Variants in DOK6 observed in about 807,000 individuals in gnomAD.
DOK6 encodes docking protein 6, also known as downstream of tyrosine kinase 6.
Under a neutral mutation model 44.0 loss-of-function variants are expected in DOK6, and 22 were observed. The observed-to-expected ratio is 0.50, with a 90% CI of 0.36 to 0.71. The LOEUF (loss-of-function observed/expected upper bound fraction) is 0.71, where lower values mean the gene tolerates loss of function less well. DOK6 is among the 30% of genes least tolerant of loss of function. The pLI is 0.00. For missense variants in DOK6, 340 were observed against 416.4 expected (o/e 0.82, Z 1.60); for synonymous variants, 166 against 145.5 (o/e 1.14, Z -1.01).
chr18:69,577,716 G>A (rs1160683492), intron 2 of DOK6, among the ~76,000 whole-genome samples: 3 of 152,108 alleles, frequency 2.0e-5, no homozygotes, highest in Non-Finnish European at 4.4e-5. Flanking sequence ...TGGAAAACTC[G>A]AAACCAGAGA....
rs143819043 is a variant in DOK6, at chr18:69,429,620, CATATATATATATATAT to C, written c.66+28339_66+28354del. Among the ~76,000 whole-genome samples, 647 of 105,936 alleles carry C rather than the reference CATATATATATATATAT, an allele frequency of 6.1e-3. 6 individuals are homozygous for C. The highest frequency in any genetic ancestry group is 9.7e-3 in the African/African-American group (295 of 30,370). 69.5% of individuals were successfully genotyped at this position (105,936 alleles called of 152,430 possible). A position where few individuals can be genotyped will look rare whatever the true frequency, so the allele number is the denominator to read the frequency against. On this transcript the variant is annotated intron_variant, in intron 1 of 7. Transcript: ENST00000382713. ...TCTATAAGGAAAATATTGAGGGATACATATATATATATATATATATATATATATATATATATATATA... is the reference window on the plus strand; with the variant it reads ...TCTATAAGGAAAATATTGAGGGATACATATATATATATATATATATATATA...
intron 7 of DOK6, 82 bp downstream of exon 7, chr18:69,757,955 G>A: frequency 8.3e-7 from 1 of 1,199,314 alleles, no homozygotes; most frequent in Non-Finnish European, 1.2e-6. Context: ...CTTTGTATTT[G>A]CATTGCTTGC....
At chr18:69,519,933 TA>T (rs1981639766) in intron 1 of DOK6, among the ~76,000 whole-genome samples, 1 of 151,906 alleles carries the variant, frequency 6.6e-6, no homozygotes. Context: ...TTTCCAATTT[TA>T]AAATGAAATG....
intron 3 of DOK6, among the ~76,000 whole-genome samples, chr18:69,610,036 A>G (rs1450001824): frequency 6.6e-6 from 1 of 152,246 alleles, no homozygotes; most frequent in Non-Finnish European, 1.5e-5. Context: ...CAATGGGCAT[A>G]AAGTTTCAGT....
intron 3 of DOK6, among the ~76,000 whole-genome samples, chr18:69,668,484 AC>A (rs1426081781): frequency 9.2e-5 from 14 of 152,014 alleles, no homozygotes; most frequent in Non-Finnish European, 2.1e-4. Flanking sequence ...TTTATATTTT[AC>A]ACCCTCAATG....
At chr18:69,743,252 C>G (rs536861254) in intron 6 of DOK6, among the ~76,000 whole-genome samples, 3 of 152,186 alleles carry the variant, frequency 2.0e-5, no homozygotes, top group Non-Finnish European at 4.4e-5. Context: ...TATTTGAACA[C>G]GATATGTTCA....
chr18:69,402,037 C>G (rs1568245564), intron 1 of DOK6, among the ~76,000 whole-genome samples: 2 of 152,120 alleles, frequency 1.3e-5, no homozygotes, highest in Non-Finnish European at 2.9e-5. Flanking sequence ...AGTGACCAGA[C>G]GAGGCGGTAG....
chr18:69,726,264 C>A (rs1320438823), intron 5 of DOK6, among the ~76,000 whole-genome samples: 1 of 152,138 alleles, frequency 6.6e-6, no homozygotes, highest in African/African-American at 2.4e-5. Context: ...CACTGAATAA[C>A]GCTCTTGTTT....
At chr18:69,468,302 C>T (rs888014160) in intron 1 of DOK6, among the ~76,000 whole-genome samples, 2 of 152,100 alleles carry the variant, frequency 1.3e-5, no homozygotes, top group African/African-American at 4.8e-5. Flanking sequence ...TAAATTCTGC[C>T]ACACTTAGCA....
chr18:69,599,147 A>C (rs902564760), intron 2 of DOK6, among the ~76,000 whole-genome samples: 2 of 152,208 alleles, frequency 1.3e-5, no homozygotes, highest in African/African-American at 4.8e-5. Context: ...ACCCTTCTAC[A>C]TAATGTGTAG....
rs930333416 is a variant in DOK6 at position 69,406,732 on chromosome 18, A to G, written c.66+5422A>G. On this transcript the variant is annotated intron_variant, in intron 1 of 7. Coordinates refer to ENST00000382713, the MANE Select transcript of DOK6 (RefSeq NM_152721.6). ...CCCAGTTTCCTTAAATGTCTTTCAA[A>G]CACGCACAGTAATGGTGAATATTTT... 1.5e-4 allele frequency among the ~76,000 whole-genome samples: 23 copies of G among 152,208 alleles called. 2 individuals are homozygous for G. Among genetic ancestry groups the G allele is most frequent in the Admixed American group, 1.4e-3 (22 of 15,284 alleles).
At chr18:69,723,461 T>C (rs947214176) in intron 5 of DOK6, among the ~76,000 whole-genome samples, 1 of 152,086 alleles carries the variant, frequency 6.6e-6, no homozygotes, top group Non-Finnish European at 1.5e-5. Flanking sequence ...ATGGGGACAA[T>C]TGCTAGTTTG....
intron 1 of DOK6, among the ~76,000 whole-genome samples, chr18:69,511,356 ACT>A (rs1304911860): frequency 2.0e-5 from 3 of 152,154 alleles, no homozygotes; most frequent in Admixed American, 6.5e-5. Flanking sequence ...GCTGTAGTCA[ACT>A]CTCTAAAACT....
chr18:69,527,498 G>C (rs760400309), intron 1 of DOK6, among the ~76,000 whole-genome samples: 2 of 152,152 alleles, frequency 1.3e-5, no homozygotes, highest in Non-Finnish European at 2.9e-5. Context: ...GAACAGCATG[G>C]TGGTAACTGC....
At position 69,602,942 on chromosome 18, in the gene DOK6, T is replaced by C. The variant is rs189122543; in HGVS notation, c.289+3444T>C. Among the ~76,000 whole-genome samples, 326 of 152,338 alleles carry C rather than the reference T, an allele frequency of 2.1e-3. 5 individuals are homozygous for C. The highest frequency in any genetic ancestry group is 7.6e-3 in the African/African-American group (318 of 41,588). On this transcript the variant is annotated intron_variant, in intron 3 of 7. Coordinates refer to ENST00000382713, the MANE Select transcript of DOK6 (RefSeq NM_152721.6). ...GAATGATGAAGTGATATTCATTATT[T>C]CTCAACAATGGAAATGACAATACTA...
chr18:69,470,348 A>G (rs1184435369), intron 1 of DOK6, among the ~76,000 whole-genome samples: 2 of 152,096 alleles, frequency 1.3e-5, no homozygotes, highest in Non-Finnish European at 2.9e-5. Context: ...ATCTTTGTTC[A>G]TCTCATAGCC....
At chr18:69,696,421 T>C (rs1986390905) in intron 4 of DOK6, among the ~76,000 whole-genome samples, 1 of 152,180 alleles carries the variant, frequency 6.6e-6, no homozygotes, top group African/African-American at 2.4e-5. Context: ...ATAATACTGG[T>C]TAATGATGTT....
chr18:69,694,022 G>A (rs113313217), intron 4 of DOK6, among the ~76,000 whole-genome samples: 18,676 of 123,428 alleles, frequency 0.15, 1,277 homozygotes, highest in South Asian at 0.26. Flanking sequence ...TCCCGCCACC[G>A]CACTCCAGCC....
chr18:69,424,076 T>C (rs533935237), intron 1 of DOK6, among the ~76,000 whole-genome samples: 1 of 152,348 alleles, frequency 6.6e-6, no homozygotes, highest in Non-Finnish European at 1.5e-5. Flanking sequence ...TATAGAGTTG[T>C]GGTTCATTCA....
Sources: allele counts gnomAD v4.1 joint callset (sites outside exome capture counted in the v4.1 genomes callset), GRCh38; gene constraint gnomAD v4.1.1; transcripts MANE v1.5; gene names NCBI Gene and HGNC (gene_info 2026-07-23, HGNC 2026-07-21).